LRRTM4: variants seen among roughly 807,000 people sequenced by gnomAD.
LRRTM4 encodes the protein leucine-rich repeat transmembrane neuronal protein 4.
A neutral mutation model predicts 47.6 loss-of-function variants in LRRTM4; 25 were observed. That is an observed-to-expected ratio of 0.53 (90% confidence interval 0.38 to 0.73). LRRTM4 has a LOEUF of 0.73. LRRTM4 is among the 30% of genes least tolerant of loss of function. The pLI is 0.00. For missense variants in LRRTM4, 638 were observed against 713.4 expected (o/e 0.89, Z 1.20); for synonymous variants, 311 against 269.5 (o/e 1.15, Z -1.51).
At chr2:76,759,158 T>C (rs1673164587) in intron 3 of LRRTM4, among the ~76,000 whole-genome samples, 1 of 152,146 alleles carries the variant, frequency 6.6e-6, no homozygotes, top group African/African-American at 2.4e-5. Context: ...GGTGCTGTAC[T>C]CAAGGAGTTT....
intron 3 of LRRTM4, among the ~76,000 whole-genome samples, chr2:77,103,678 A>C (rs1671021105): frequency 8.8e-6 from 1 of 114,228 alleles, no homozygotes; most frequent in Non-Finnish European, 1.6e-5. Context: ...TATATATCAC[A>C]TATATGTATA....
intron 3 of LRRTM4, among the ~76,000 whole-genome samples, chr2:77,084,586 T>A (rs773507017): frequency 5.6e-4 from 86 of 152,226 alleles, no homozygotes; most frequent in Non-Finnish European, 1.2e-3. Context: ...TCCCCTGCTG[T>A]ACATCTACAT....
chr2:76,938,496 T>A (rs1363760463), intron 3 of LRRTM4, among the ~76,000 whole-genome samples: 4 of 152,182 alleles, frequency 2.6e-5, no homozygotes, highest in Admixed American at 2.0e-4. Context: ...TTGCTTTTTA[T>A]TGTTTGTAGT....
intron 3 of LRRTM4, among the ~76,000 whole-genome samples, chr2:77,423,582 C>T (rs925645095): frequency 2.0e-5 from 3 of 152,078 alleles, no homozygotes; most frequent in African/African-American, 7.2e-5. Context: ...CTAATGCTAC[C>T]AATGGTCATG....
chr2:76,759,375 A>G (rs551003747), intron 3 of LRRTM4, among the ~76,000 whole-genome samples: 1 of 152,276 alleles, frequency 6.6e-6, no homozygotes, highest in African/African-American at 2.4e-5. Flanking sequence ...GGTACTTGGA[A>G]GTCAGACTTG....
At chr2:77,214,891 T>A (rs997479081) in intron 3 of LRRTM4, among the ~76,000 whole-genome samples, 1 of 152,104 alleles carries the variant, frequency 6.6e-6, no homozygotes, top group Non-Finnish European at 1.5e-5. Context: ...TGATATAGTT[T>A]TCTGTGGGGT....
intron 3 of LRRTM4, among the ~76,000 whole-genome samples, chr2:77,381,847 G>A (rs1673065642): frequency 6.6e-6 from 1 of 151,894 alleles, no homozygotes; most frequent in Admixed American, 6.6e-5. Context: ...CCTTATGACA[G>A]GATAATGTAT....
At chr2:77,361,789 T>C (rs1672223826) in intron 3 of LRRTM4, among the ~76,000 whole-genome samples, 1 of 152,174 alleles carries the variant, frequency 6.6e-6, no homozygotes, top group Non-Finnish European at 1.5e-5. Flanking sequence ...ACTCTATCTT[T>C]CTTTCTCCCT....
At chr2:77,134,743 G>A (rs115999296) in intron 3 of LRRTM4, among the ~76,000 whole-genome samples, 10 of 152,214 alleles carry the variant, frequency 6.6e-5, no homozygotes, top group Non-Finnish European at 1.3e-4. Context: ...ACAGAACCTG[G>A]ATAATATTCC....
intron 3 of LRRTM4, among the ~76,000 whole-genome samples, chr2:76,838,103 A>G (rs1053365889): frequency 7.5e-6 from 1 of 133,120 alleles, no homozygotes; most frequent in African/African-American, 2.7e-5. Flanking sequence ...AATAATAATA[A>G]AAGAATGGAA....
At chr2:76,996,344 C>G (rs189518464) in intron 3 of LRRTM4, among the ~76,000 whole-genome samples, 1 of 147,120 alleles carries the variant, frequency 6.8e-6, no homozygotes, top group Non-Finnish European at 1.5e-5. Flanking sequence ...ATGAGAGATT[C>G]TGTGTCCTAC....
At chr2:76,797,400 C>T (rs1474839914) in intron 3 of LRRTM4, among the ~76,000 whole-genome samples, 1 of 152,002 alleles carries the variant, frequency 6.6e-6, no homozygotes, top group Non-Finnish European at 1.5e-5. Flanking sequence ...AAATACTTTA[C>T]AGACAAGCAA....
intron 3 of LRRTM4, among the ~76,000 whole-genome samples, chr2:77,282,723 A>C (rs1676540841): frequency 2.0e-5 from 3 of 151,894 alleles, no homozygotes; most frequent in Admixed American, 6.6e-5. Context: ...TTACAAAGTC[A>C]ACAAAAATAA....
intron 3 of LRRTM4, among the ~76,000 whole-genome samples, chr2:77,439,033 T>C (rs1051191463): frequency 6.6e-6 from 1 of 152,012 alleles, no homozygotes; most frequent in Non-Finnish European, 1.5e-5. Flanking sequence ...AGTCAAAGAG[T>C]AACTCAAAAC....
At chr2:77,283,628 T>C (rs1330022635) in intron 3 of LRRTM4, among the ~76,000 whole-genome samples, 1 of 152,098 alleles carries the variant, frequency 6.6e-6, no homozygotes, top group African/African-American at 2.4e-5. Context: ...CACCATGGAA[T>C]ACCATGCAAC....
At chr2:77,483,824 T>G (rs1435212938) in intron 3 of LRRTM4, among the ~76,000 whole-genome samples, 1 of 152,226 alleles carries the variant, frequency 6.6e-6, no homozygotes, top group Non-Finnish European at 1.5e-5. Flanking sequence ...TTTTGGTTAG[T>G]ATAGCAAGCT....
intron 3 of LRRTM4, among the ~76,000 whole-genome samples, chr2:77,482,929 T>C (rs1250356306): frequency 1.3e-5 from 2 of 151,642 alleles, no homozygotes; most frequent in East Asian, 3.9e-4. Context: ...AAGACCATCC[T>C]GGCCAACATG....
chr2:77,025,254 A>G (rs1023524220), intron 3 of LRRTM4, among the ~76,000 whole-genome samples: 2 of 152,176 alleles, frequency 1.3e-5, no homozygotes, highest in African/African-American at 2.4e-5. Flanking sequence ...CTTTCAAATA[A>G]TCTCTTTGAA....
intron 3 of LRRTM4, among the ~76,000 whole-genome samples, chr2:77,156,969 C>A (rs956979080): frequency 3.3e-5 from 5 of 151,492 alleles, no homozygotes; most frequent in Non-Finnish European, 5.9e-5. Context: ...TTCATAATAA[C>A]CTTTGTTACT....
Sources: gnomAD v4.1 joint callset for allele counts (sites outside exome capture counted in the v4.1 genomes callset) on GRCh38, gnomAD v4.1.1 for gene constraint, MANE v1.5 for transcripts, NCBI Gene and HGNC (gene_info 2026-07-23, HGNC 2026-07-21) for gene names.